Variants in KIAA0513 observed in about 807,000 individuals in gnomAD.
KIAA0513 encodes KIAA0513.
In KIAA0513, 39 loss-of-function variants were observed where a neutral mutation model predicts 56.5. The observed-to-expected ratio is 0.69, with a 90% CI of 0.53 to 0.90. The LOEUF is 0.90. Among genes scored for constraint, KIAA0513 ranks in the 40% least tolerant of loss-of-function variants. The probability of loss-of-function intolerance (pLI) is 0.00; values close to 1 mark genes in which losing one functional copy is unlikely to be tolerated. For missense variants in KIAA0513, 591 were observed against 535.2 expected (o/e 1.10, Z -1.03); for synonymous variants, 268 against 215.6 (o/e 1.24, Z -2.13).
At chr16:85,046,598 G>A (rs1413260558) in intron 1 of KIAA0513, among the ~76,000 whole-genome samples, 1 of 152,224 alleles carries the variant, frequency 6.6e-6, no homozygotes, top group Non-Finnish European at 1.5e-5. Context: ...ATCCTTCGAG[G>A]TCAGCTGGTG....
At chr16:85,084,429 C>CTT (rs34048494) in intron 10 of KIAA0513, among the ~76,000 whole-genome samples, 1,119 of 53,958 alleles carry the variant, frequency 0.021, 86 homozygotes, top group African/African-American at 0.086. Flanking sequence ...TTTTCGTTCT[C>CTT]TTTTTTTTTT....
intron 1 of KIAA0513, among the ~76,000 whole-genome samples, chr16:85,034,126 C>G (rs2073003592): frequency 6.6e-6 from 1 of 152,182 alleles, no homozygotes; most frequent in Non-Finnish European, 1.5e-5. Flanking sequence ...TGCCTGTAAT[C>G]CCAGCACTTT....
chr16:85,081,723 A>T lies in KIAA0513; in HGVS notation c.980+331A>T, dbSNP rs1442577528. On this transcript the variant is annotated intron_variant, in intron 9 of 12. Transcript: ENST00000683363. The surrounding 1 kb of genome is among the most constrained non-coding windows in gnomAD (Gnocchi z 4.4). Reference sequence around the variant, plus strand: ...GCTGGACAAAATCAGCATCCTGAGGATGAACGCTTGGAGCAGGGTCCTGGG... The same window carrying T: ...GCTGGACAAAATCAGCATCCTGAGGTTGAACGCTTGGAGCAGGGTCCTGGG... Among the ~76,000 whole-genome samples the T allele has an allele frequency of 6.6e-6, 1 of 152,154 alleles. No homozygotes were observed. Among genetic ancestry groups the T allele is most frequent in the East Asian group, 1.9e-4 (1 of 5,190 alleles).
intron 1 of KIAA0513, among the ~76,000 whole-genome samples, chr16:85,042,734 T>C (rs756297148): frequency 9.2e-5 from 14 of 152,192 alleles, no homozygotes; most frequent in African/African-American, 2.4e-4. Flanking sequence ...TGGAAAAGAA[T>C]AGTCCAGACC....
chr16:85,041,216 C>T (rs1315264120), intron 1 of KIAA0513, among the ~76,000 whole-genome samples: 2 of 152,166 alleles, frequency 1.3e-5, no homozygotes, highest in East Asian at 1.9e-4. Context: ...CCAACTAGGT[C>T]GGAATCAGTC....
intron 1 of KIAA0513, among the ~76,000 whole-genome samples, chr16:85,051,511 C>T (rs1448590566): frequency 3.3e-5 from 5 of 152,204 alleles, no homozygotes; most frequent in Non-Finnish European, 7.3e-5. Context: ...CCGCTTCCCT[C>T]AAAAGGAGAC....
At chr16:85,057,108 A>T (rs530252426) in intron 1 of KIAA0513, among the ~76,000 whole-genome samples, 1 of 152,284 alleles carries the variant, frequency 6.6e-6, no homozygotes, top group South Asian at 2.1e-4. Flanking sequence ...CCTCCACAGA[A>T]AGCATGTTTG....
At chr16:85,047,415 A>G (rs564659949) in intron 1 of KIAA0513, among the ~76,000 whole-genome samples, 1 of 152,320 alleles carries the variant, frequency 6.6e-6, no homozygotes, top group South Asian at 2.1e-4. Context: ...CCCTTCAGCC[A>G]GGAGGCAGGG....
intron 1 of KIAA0513, among the ~76,000 whole-genome samples, chr16:85,043,277 G>A (rs1291308642): frequency 6.6e-6 from 1 of 152,000 alleles, no homozygotes; most frequent in Non-Finnish European, 1.5e-5. Flanking sequence ...CTCTTACCCA[G>A]GTACACACCA....
chr16:85,049,116 C>A (rs957301430), intron 1 of KIAA0513, among the ~76,000 whole-genome samples: 1 of 152,252 alleles, frequency 6.6e-6, no homozygotes. Flanking sequence ...ACTGCGTGGG[C>A]AGCTACAAGC....
intron 1 of KIAA0513, among the ~76,000 whole-genome samples, chr16:85,045,959 G>C (rs1249374976): frequency 6.6e-6 from 1 of 152,144 alleles, no homozygotes; most frequent in African/African-American, 2.4e-5. Context: ...AGCCGACAAT[G>C]TGCATCTCAA....
In KIAA0513 at chr16:85,067,004, C is replaced by G; in HGVS notation, c.-68C>G. On this transcript the variant is annotated 5_prime_UTR_variant, in exon 2 of 13. Coordinates refer to ENST00000683363, the MANE Select transcript of KIAA0513 (RefSeq NM_001388359.1). ...GGCTCCTACTAACGCACCTGGGACA[C>G]CAGGCTGCTGGGCTCCCCTCTAGGC... is the stretch of plus-strand genomic sequence containing the variant. The G allele has an allele frequency of 7.1e-7, 1 of 1,412,904 alleles. No individual in the cohort carries two copies. Among genetic ancestry groups the G allele is most frequent in the Non-Finnish European group, 9.5e-7 (1 of 1,056,158 alleles). The allele number at this position is 1,412,904 out of a possible 1,614,324, so 87.5% of individuals were successfully genotyped here. A position where few individuals can be genotyped will look rare whatever the true frequency, so the allele number is the denominator to read the frequency against.
intron 1 of KIAA0513, among the ~76,000 whole-genome samples, chr16:85,042,376 C>T (rs1007239880): frequency 6.6e-6 from 1 of 151,928 alleles, no homozygotes; most frequent in Non-Finnish European, 1.5e-5. Flanking sequence ...TTAATCCACC[C>T]CGGTGTACTG....
chr16:85,066,595 G>A lies in KIAA0513; in HGVS notation c.-172-305G>A, dbSNP rs145747282. On this transcript the variant is annotated intron_variant, in intron 1 of 12. Transcript: ENST00000683363. ...ATCCTCCGTTTCCAGCCCAGGATGG[G>A]CCTTTTCTGTCCTGGCGATGGGCTC... is the stretch of plus-strand genomic sequence containing the variant. 1.3e-3 allele frequency among the ~76,000 whole-genome samples: 203 copies of A among 152,306 alleles called. 1 individual carries two copies. The highest frequency in any genetic ancestry group is 0.01 in the Middle Eastern group (3 of 294).
At chr16:85,068,810 CTTT>C (rs2073529126) in intron 2 of KIAA0513, among the ~76,000 whole-genome samples, 1 of 152,182 alleles carries the variant, frequency 6.6e-6, no homozygotes, top group African/African-American at 2.4e-5. Flanking sequence ...CTGTCTCTTT[CTTT>C]TCCCTCCGCC....
At chr16:85,042,267 G>T (rs1197366786) in intron 1 of KIAA0513, among the ~76,000 whole-genome samples, 1 of 152,198 alleles carries the variant, frequency 6.6e-6, no homozygotes, top group Non-Finnish European at 1.5e-5. Flanking sequence ...AAATGCTTTG[G>T]ATGGGATATC....
intron 1 of KIAA0513, among the ~76,000 whole-genome samples, chr16:85,056,646 T>G (rs1299639830): frequency 5.3e-5 from 8 of 152,204 alleles, no homozygotes; most frequent in Non-Finnish European, 8.8e-5. Context: ...CGAGAGCCCT[T>G]TGTTCACTGG....
rs1373122014 is a variant in KIAA0513 at position 85,081,745 on chromosome 16, T to C, written c.980+353T>C. Among the ~76,000 whole-genome samples, 2 of 152,188 alleles carry C rather than the reference T, an allele frequency of 1.3e-5. No homozygotes were observed. ...AGGATGAACGCTTGGAGCAGGGTCCTGGGAGGAAGGGCTGGCCACCATCCC... is the reference window on the plus strand; with the variant it reads ...AGGATGAACGCTTGGAGCAGGGTCCCGGGAGGAAGGGCTGGCCACCATCCC... On this transcript the variant is annotated intron_variant, in intron 9 of 12. Transcript: ENST00000683363. The surrounding 1 kb of genome is among the most constrained non-coding windows in gnomAD (Gnocchi z 4.4).
chr16:85,057,372 A>G (rs951435890), intron 1 of KIAA0513, among the ~76,000 whole-genome samples: 99 of 152,254 alleles, frequency 6.5e-4, no homozygotes, highest in African/African-American at 2.3e-3. Flanking sequence ...CTCCCCCATC[A>G]CCAAGTGTAC....
Sources: gnomAD v4.1 joint callset for allele counts (sites outside exome capture counted in the v4.1 genomes callset) on GRCh38, gnomAD v4.1.1 for gene constraint, Gnocchi (gnomAD v3.1) non-coding constraint, MANE v1.5 for transcripts, NCBI Gene and HGNC (gene_info 2026-07-23, HGNC 2026-07-21) for gene names.